Variants in SLC67A1 observed in about 807,000 individuals in gnomAD.
The protein encoded by SLC67A1 is solute carrier family 67 member 1, also known as solute carrier family 67 member A1.
the SLC67A1 span, among the ~76,000 whole-genome samples, chr11:2,900,509 C>A: frequency 6.6e-6 from 1 of 151,830 alleles, no homozygotes; most frequent in East Asian, 1.9e-4. Flanking sequence ...CTGGCTAACA[C>A]GGTGAAACTC....
At chr11:2,924,623 C>T in the SLC67A1 span, among the ~76,000 whole-genome samples, 4 of 152,184 alleles carry the variant, frequency 2.6e-5, no homozygotes, top group East Asian at 1.9e-4. The surrounding 1 kb of genome is among the most constrained non-coding windows in gnomAD (Gnocchi z 8.6). Flanking sequence ...CCTGGCAGGG[C>T]GGGGCCTTCT....
chr11:2,922,090 G>C, the SLC67A1 span: 1 of 1,605,976 alleles, frequency 6.2e-7, no homozygotes, highest in Non-Finnish European at 8.5e-7. Context: ...TACCCTCTCT[G>C]TCTGGCTCTA....
the SLC67A1 span, chr11:2,909,238 C>T: frequency 3.2e-6 from 5 of 1,539,550 alleles, no homozygotes; most frequent in Non-Finnish European, 4.4e-6. Context: ...TCACGCTCTC[C>T]TTCCTGGCTG....
the SLC67A1 span, among the ~76,000 whole-genome samples, chr11:2,905,459 C>T: frequency 6.6e-6 from 1 of 152,188 alleles, no homozygotes; most frequent in East Asian, 1.9e-4. Flanking sequence ...CAATAGTTTG[C>T]TCAGAATGAA....
chr11:2,901,752 G>A, the SLC67A1 span, among the ~76,000 whole-genome samples: 2 of 152,300 alleles, frequency 1.3e-5, no homozygotes, highest in East Asian at 3.9e-4. Context: ...GTCTGGGGAG[G>A]GAAGTGAGGA....
At chr11:2,919,965 C>T in the SLC67A1 span, 17 of 152,574 alleles carry the variant, frequency 1.1e-4, no homozygotes, top group South Asian at 2.1e-4. Context: ...GCTCAGCTCC[C>T]GGGCCGGGGC....
At chr11:2,916,378 T>C in the SLC67A1 span, 2 of 441,426 alleles carry the variant, frequency 4.5e-6, no homozygotes, top group South Asian at 4.7e-5. Context: ...CCACAGGGGC[T>C]GCCGGGGCCT....
the SLC67A1 span, among the ~76,000 whole-genome samples, chr11:2,901,533 G>A: frequency 1.3e-5 from 2 of 152,248 alleles, no homozygotes; most frequent in African/African-American, 4.8e-5. Flanking sequence ...TCAGGGGCAC[G>A]GAGAATGGTG....
chr11:2,916,670 T>G, the SLC67A1 span: 2 of 1,612,784 alleles, frequency 1.2e-6, no homozygotes, highest in East Asian at 2.2e-5. Flanking sequence ...TCCTGGGAGC[T>G]GTCCTCAGCT....
the SLC67A1 span, among the ~76,000 whole-genome samples, chr11:2,912,556 G>C: frequency 6.6e-6 from 1 of 152,168 alleles, no homozygotes; most frequent in African/African-American, 2.4e-5. Context: ...CCTCTGGAAG[G>C]CCCCAGTCCT....
chr11:2,925,226 ACTC>A, the SLC67A1 span: 8 of 1,598,012 alleles, frequency 5.0e-6, no homozygotes, highest in South Asian at 1.1e-5. The surrounding 1 kb of genome is among the most constrained non-coding windows in gnomAD (Gnocchi z 6.5). Flanking sequence ...CTGGCAATAA[ACTC>A]CTACTAAATC....
At chr11:2,922,093 T>C in the SLC67A1 span, 1 of 1,606,992 alleles carries the variant, frequency 6.2e-7, no homozygotes, top group Non-Finnish European at 8.5e-7. Context: ...CCTCTCTGTC[T>C]GGCTCTAGGT....
the SLC67A1 span, among the ~76,000 whole-genome samples, chr11:2,901,605 G>A: frequency 4.2e-4 from 64 of 152,248 alleles, no homozygotes; most frequent in African/African-American, 1.5e-3. Context: ...TGCTCCAGCG[G>A]CTCCTGCTGC....
the SLC67A1 span, among the ~76,000 whole-genome samples, chr11:2,900,692 C>CAA: frequency 3.7e-3 from 219 of 59,584 alleles, 4 homozygotes; most frequent in East Asian, 6.0e-3. Flanking sequence ...GACTCCGTCT[C>CAA]AAAAAAAAAA....
At chr11:2,904,507 G>A in the SLC67A1 span, among the ~76,000 whole-genome samples, 47 of 152,232 alleles carry the variant, frequency 3.1e-4, 1 homozygote, top group Non-Finnish European at 5.9e-5. Flanking sequence ...CATAAAATGG[G>A]TAATAACAGT....
the SLC67A1 span, among the ~76,000 whole-genome samples, chr11:2,908,045 A>C: frequency 5.9e-5 from 9 of 152,116 alleles, no homozygotes; most frequent in Non-Finnish European, 1.2e-4. Flanking sequence ...CTTAGAGACC[A>C]CAACAGGCTT....
At chr11:2,920,470 G>C in the SLC67A1 span, 1 of 152,376 alleles carries the variant, frequency 6.6e-6, no homozygotes, top group Non-Finnish European at 1.5e-5. Context: ...GCAGTCATTG[G>C]CCTGTGTTGT....
At chr11:2,903,516 G>A in the SLC67A1 span, 7 of 1,611,894 alleles carry the variant, frequency 4.3e-6, no homozygotes, top group Admixed American at 1.7e-5. Flanking sequence ...AGCCCCTGCA[G>A]CCCCAGCCAG....
At chr11:2,922,048 C>A in the SLC67A1 span, 5 of 1,344,076 alleles carry the variant, frequency 3.7e-6, no homozygotes, top group Non-Finnish European at 5.4e-6. Context: ...ACAGTCCAGA[C>A]GCCCCTCCCT....
Sources: gnomAD v4.1 joint callset for allele counts (sites outside exome capture counted in the v4.1 genomes callset) on GRCh38, gnomAD v4.1.1 for gene constraint, Gnocchi (gnomAD v3.1) non-coding constraint, MANE v1.5 for transcripts, NCBI Gene and HGNC (gene_info 2026-07-23, HGNC 2026-07-21) for gene names.